LUZP1: variants seen among roughly 807,000 people sequenced by gnomAD.
LUZP1 encodes filamin mechanobinding actin cross-linking protein.
Under a neutral mutation model 71.3 loss-of-function variants are expected in LUZP1, and 25 were observed. The ratio of observed to expected loss-of-function variants is 0.35; its 90% CI spans 0.26 to 0.49. The LOEUF is 0.49. Ranked by LOEUF, LUZP1 falls within the 20% of genes least tolerant of loss-of-function variation. The pLI, the probability that LUZP1 is intolerant of heterozygous loss-of-function variation, is 0.99. For synonymous variants in LUZP1, 481 were observed against 506.4 expected (o/e 0.95, Z 0.67); for missense variants, 1,142 against 1,300.8 (o/e 0.88, Z 1.88).
chr1:23,160,042 T>C (rs957967371), intron 2 of LUZP1, among the ~76,000 whole-genome samples: 2 of 152,198 alleles, frequency 1.3e-5, no homozygotes, highest in African/African-American at 2.4e-5. Flanking sequence ...TATTCTGATG[T>C]AGTTTCATCA....
chr1:23,116,259 T>C (rs1352869546), intron 2 of LUZP1, among the ~76,000 whole-genome samples: 7 of 152,138 alleles, frequency 4.6e-5, no homozygotes, highest in Admixed American at 2.6e-4. Flanking sequence ...CGTATGCCTG[T>C]AGTCCCAGCT....
At chr1:23,097,338 A>G (rs1237007842) in intron 3 of LUZP1, among the ~76,000 whole-genome samples, 1 of 152,200 alleles carries the variant, frequency 6.6e-6, no homozygotes, top group Non-Finnish European at 1.5e-5. Flanking sequence ...GGCAAGTAGA[A>G]TGGACTACAG....
At chr1:23,173,821 G>A (rs681395) in intron 1 of LUZP1, among the ~76,000 whole-genome samples, 56,842 of 151,904 alleles carry the variant, frequency 0.37, 11,016 homozygotes, top group African/African-American at 0.47. Flanking sequence ...CTCCTCCTTC[G>A]TGGGGTTCCA....
chr1:23,104,613 T>C (rs1291886329), intron 3 of LUZP1, among the ~76,000 whole-genome samples: 10 of 152,230 alleles, frequency 6.6e-5, no homozygotes, highest in Admixed American at 3.3e-4. Context: ...TTAAAATATC[T>C]GTCATCCTCT....
rs1643877123 is a variant in LUZP1, at chr1:23,093,686, G to T, written c.576C>A (p.Ser192Arg). The T allele has an allele frequency of 6.2e-7, 1 of 1,613,286 alleles. No homozygotes were observed. Among genetic ancestry groups the T allele is most frequent in the East Asian group, 2.2e-5 (1 of 44,880 alleles). ...TCAAGTATTTTCTCTCACTTACAAA[G>T]CTCAGAGTTAATGATTTCAGCTTTT... The change falls in exon 4 of 5, where the codon AGC (serine) becomes AGA (arginine). Residue 192 changes from serine (S) to arginine (R), a missense_variant. Transcript: ENST00000302291. The surrounding 1 kb of genome is among the most constrained non-coding windows in gnomAD (Gnocchi z 4.2).
chr1:23,173,674 T>G (rs1644566406), intron 1 of LUZP1, among the ~76,000 whole-genome samples: 2 of 152,144 alleles, frequency 1.3e-5, no homozygotes, highest in Non-Finnish European at 2.9e-5. Flanking sequence ...CTGTTCTGTG[T>G]GTGCATATAG....
chr1:23,091,078 A>T, intron 4 of LUZP1, 112 bp downstream of exon 3: 4 of 1,125,052 alleles, frequency 3.6e-6, no homozygotes, highest in Non-Finnish European at 5.1e-6. Flanking sequence ...ACCCAGTTCT[A>T]CTCAGTTCTC....
exon 5 of LUZP1, chr1:23,086,654 T>A (rs751845129): frequency 6.6e-6 from 1 of 152,560 alleles, no homozygotes; most frequent in Non-Finnish European, 1.5e-5. Context: ...ACCACAGAGG[T>A]TGATTTTCTT....
chr1:23,172,899 T>C (rs1189534219), intron 1 of LUZP1, among the ~76,000 whole-genome samples: 3 of 152,050 alleles, frequency 2.0e-5, no homozygotes, highest in Admixed American at 2.0e-4. Context: ...AGTGGTGCGA[T>C]CTCGGCTCCG....
At chr1:23,107,035 GCCT>G (rs909419154) in intron 3 of LUZP1, among the ~76,000 whole-genome samples, 12 of 152,282 alleles carry the variant, frequency 7.9e-5, no homozygotes, top group African/African-American at 2.4e-4. Flanking sequence ...CAGCCACACG[GCCT>G]CCTTATGGGT....
chr1:23,091,738 A>T lies in LUZP1; in HGVS notation c.2524T>A (p.Phe842Ile), dbSNP rs780887848. Residue 842 changes from phenylalanine (F) to isoleucine (I), a missense_variant, in exon 4 of 5, where the codon TTT becomes ATT. Physicochemically the swap from Phe to Ile is conservative, Grantham distance 21. Transcript: ENST00000302291. ...TCATGTTTGTGAATGGAGAGCTCAA[A>T]AGGGGAGCTGACATGGTTGCTAACT... 5.0e-6 allele frequency: 8 copies of T among 1,613,934 alleles called. No homozygotes were observed. The Admixed American group carries it at 1.2e-4, about 24-fold the overall frequency.
At chr1:23,141,900 A>G (rs1644306237) in intron 2 of LUZP1, among the ~76,000 whole-genome samples, 1 of 150,936 alleles carries the variant, frequency 6.6e-6, no homozygotes, top group African/African-American at 2.4e-5. Context: ...CTGGAGTGCA[A>G]TGGCGCCATC....
intron 2 of LUZP1, among the ~76,000 whole-genome samples, chr1:23,139,019 A>AAAAAAAATATATAT (rs1317355746): frequency 5.0e-5 from 3 of 59,952 alleles, no homozygotes; most frequent in African/African-American, 1.9e-4. Flanking sequence ...AAAAAAAAAA[A>AAAAAAAATATATAT]ATATATATAT....
At chr1:23,108,604 A>G (rs1387161827) in intron 3 of LUZP1, among the ~76,000 whole-genome samples, 1 of 152,206 alleles carries the variant, frequency 6.6e-6, no homozygotes, top group Non-Finnish European at 1.5e-5. Context: ...CAGTCTCAGA[A>G]AAAAAGGAAA....
In LUZP1 at chr1:23,094,065, T is replaced by G; in HGVS notation, c.197A>C (p.Glu66Ala). ...TCTCAGCACCCGCTGGCGCAGCACT[T>G]CAATCTCCGCCAACATGCTGGAGTT... Residue 66 changes from glutamate (E) to alanine (A), a missense_variant, in exon 4 of 5, where the codon GAA (glutamate) becomes GCA (alanine). Coordinates refer to ENST00000302291, the Ensembl canonical transcript of LUZP1. This position sits in a 1 kb window ranked among gnomAD's most constrained non-coding sequence, Gnocchi z 4.7. 6.2e-7 allele frequency: 1 copy of G among 1,614,198 alleles called. No homozygotes were observed. Among genetic ancestry groups the G allele is most frequent in the Non-Finnish European group, 8.5e-7 (1 of 1,180,034 alleles).
rs551193404 is a variant in LUZP1, at chr1:23,146,476, G to A, written c.-226+22290C>T. On this transcript the variant is annotated intron_variant, in intron 2 of 4. Coordinates refer to ENST00000302291, the Ensembl canonical transcript of LUZP1. ...TCTCAGTGTCCTCATGTGTAAAATAGGGATAATACCTATCACACAGAATTT... is the reference window on the plus strand; with the variant it reads ...TCTCAGTGTCCTCATGTGTAAAATAAGGATAATACCTATCACACAGAATTT... Among the ~76,000 whole-genome samples the A allele has an allele frequency of 3.3e-5, 5 of 152,272 alleles. No individual in the cohort carries two copies. In the South Asian group the frequency reaches 8.3e-4, roughly 25 times the overall value.
At chr1:23,115,961 G>A (rs1644074778) in intron 2 of LUZP1, among the ~76,000 whole-genome samples, 1 of 152,202 alleles carries the variant, frequency 6.6e-6, no homozygotes, top group African/African-American at 2.4e-5. Context: ...AGAGAAAGTT[G>A]GCCAAGGCCA....
intron 2 of LUZP1, among the ~76,000 whole-genome samples, chr1:23,147,300 G>C (rs1285977024): frequency 2.0e-5 from 3 of 150,690 alleles, no homozygotes; most frequent in African/African-American, 7.3e-5. Context: ...AATTAGCAAG[G>C]CATGGTGGTG....
intron 2 of LUZP1, among the ~76,000 whole-genome samples, chr1:23,134,770 G>A (rs1644240853): frequency 6.6e-6 from 1 of 152,148 alleles, no homozygotes; most frequent in African/African-American, 2.4e-5. Flanking sequence ...GGGACGGTGT[G>A]AGACCCTGTC....
Sources: gnomAD v4.1 joint callset for allele counts (sites outside exome capture counted in the v4.1 genomes callset) on GRCh38, gnomAD v4.1.1 for gene constraint, Gnocchi (gnomAD v3.1) non-coding constraint, MANE v1.5 for transcripts, NCBI Gene and HGNC (gene_info 2026-07-23, HGNC 2026-07-21) for gene names.